Variants in STMN3 observed in about 807,000 individuals in gnomAD.
The protein encoded by STMN3 is stathmin 3.
Under a neutral mutation model 23.2 loss-of-function variants are expected in STMN3, and 24 were observed. The observed-to-expected ratio is 1.03, with a 90% confidence interval of 0.75 to 1.45. STMN3 has a LOEUF of 1.45. Among genes scored for constraint, STMN3 ranks in the 40% most tolerant of loss-of-function variants. The pLI is 0.00. For synonymous variants in STMN3, 117 were observed against 103.4 expected (o/e 1.13, Z -0.80); for missense variants, 235 against 237.6 (o/e 0.99, Z 0.07).
chr20:63,640,981 C>T lies in STMN3; in HGVS notation c.*357G>A, dbSNP rs1173695835. 59 of 391,842 alleles carry T rather than the reference C, an allele frequency of 1.5e-4. No individual in the cohort carries two copies. Among genetic ancestry groups the T allele is most frequent in the South Asian group, 6.3e-5 (3 of 47,940 alleles). The allele number at this position is 391,842 out of a possible 1,614,324, so 24.3% of individuals were successfully genotyped here. On this transcript the variant is annotated 3_prime_UTR_variant, in exon 5 of 5. Transcript: ENST00000370053. ...CGCCGGCTCAGAGGACCTGCCCTGA[C>T]CTGCACGTGCTGACCAGACAGCCCA... is the stretch of plus-strand genomic sequence containing the variant.
chr20:63,652,798 C>A lies in STMN3; in HGVS notation c.19+529G>T, dbSNP rs1228262820. ...AGGGCGCGGTCCCCCTCACTCCGGG[C>A]TCCGCCGTGTCTGGCCCGCCCCCCT... On this transcript the variant is annotated intron_variant, in intron 1 of 4. Transcript: ENST00000370053. This position sits in a 1 kb window ranked among gnomAD's most constrained non-coding sequence, Gnocchi z 5.3. 5.1e-6 allele frequency: 5 copies of A among 985,164 alleles called. No homozygotes were observed. Among genetic ancestry groups the A allele is most frequent in the South Asian group, 9.4e-5 (2 of 21,286 alleles). The allele number at this position is 985,164 out of a possible 1,614,324, so 61.0% of individuals were successfully genotyped here.
At chr20:63,646,608 C>A (rs1344091156) in intron 1 of STMN3, among the ~76,000 whole-genome samples, 1 of 151,846 alleles carries the variant, frequency 6.6e-6, no homozygotes, top group Non-Finnish European at 1.5e-5. Flanking sequence ...CCGCCTCGAC[C>A]TCCCAAAGTG....
chr20:63,649,521 CCTCT>C (rs35280689), intron 1 of STMN3, among the ~76,000 whole-genome samples: 4 of 151,612 alleles, frequency 2.6e-5, no homozygotes, highest in East Asian at 1.9e-4. Context: ...GGCATTGCTC[CCTCT>C]CTCTCTCTCT....
At chr20:63,643,421 A>G (rs538879639) in intron 3 of STMN3, among the ~76,000 whole-genome samples, 6 of 152,244 alleles carry the variant, frequency 3.9e-5, no homozygotes, top group African/African-American at 1.4e-4. Flanking sequence ...AGGTGGGATT[A>G]CAGGTGTGCA....
At chr20:63,647,025 T>C (rs1475582632) in intron 1 of STMN3, among the ~76,000 whole-genome samples, 2 of 151,566 alleles carry the variant, frequency 1.3e-5, no homozygotes, top group African/African-American at 4.9e-5. Context: ...AAGAAAAAAA[T>C]AGCTGGGCGT....
Position 63,646,610 on chromosome 20 carries a change from C to T in STMN3, c.20-2301G>A, listed in dbSNP as rs959277643. Reference sequence around the variant, plus strand: ...CCTCGTGATCCGCCCGCCTCGACCTCCCAAAGTGCTGGGATTACAGGTGTG... The same window carrying T: ...CCTCGTGATCCGCCCGCCTCGACCTTCCAAAGTGCTGGGATTACAGGTGTG... On this transcript the variant is annotated intron_variant, in intron 1 of 4. Transcript: ENST00000370053. Among the ~76,000 whole-genome samples, 4 of 151,934 alleles carry T rather than the reference C, an allele frequency of 2.6e-5. No individual in the cohort carries two copies. In the South Asian group the frequency reaches 8.3e-4, roughly 32 times the overall value.
At chr20:63,646,072 G>A (rs1347659158) in intron 1 of STMN3, among the ~76,000 whole-genome samples, 2 of 152,078 alleles carry the variant, frequency 1.3e-5, no homozygotes, top group East Asian at 3.8e-4. Context: ...ATGGTGAGCT[G>A]GGTCTTCTGG....
In STMN3 at chr20:63,647,948, G is replaced by GTGTGTGTATA. The variant is rs1320052757; in HGVS notation, c.20-3640_20-3639insTATACACACA. On this transcript the variant is annotated intron_variant, in intron 1 of 4. Transcript: ENST00000370053. Reference sequence around the variant, plus strand: ...TATATACGTATATATGTGTGTGTGTGTATATATATATGTATATATATATAT... The same window carrying GTGTGTGTATA: ...TATATACGTATATATGTGTGTGTGTGTGTGTGTATATATATATATATGTATATATATATAT... Among the ~76,000 whole-genome samples the GTGTGTGTATA allele has an allele frequency of 1.4e-3, 88 of 63,824 alleles. 7 individuals are homozygous for GTGTGTGTATA. The highest frequency in any genetic ancestry group is 2.2e-3 in the Non-Finnish European group (64 of 29,620). The allele number at this position is 63,824 out of a possible 152,430, so 41.9% of individuals were successfully genotyped here. A position where few individuals can be genotyped will look rare whatever the true frequency, so the allele number is the denominator to read the frequency against.
Position 63,643,088 on chromosome 20 carries a change from CAT to C in STMN3, c.291+666_291+667del, listed in dbSNP as rs146503942. 4.5e-4 allele frequency among the ~76,000 whole-genome samples: 69 copies of C among 152,272 alleles called. 1 individual carries two copies. Among genetic ancestry groups the C allele is most frequent in the South Asian group, 3.9e-3 (19 of 4,830 alleles). On this transcript the variant is annotated intron_variant, in intron 3 of 4. Coordinates refer to ENST00000370053, the MANE Select transcript of STMN3 (RefSeq NM_015894.4). ...TCCAGCAAGCCTCAGGGTCTTCACA[CAT>C]GAGGCCCTTCCTCCAGCTTCCCTGT...
intron 3 of STMN3, 94 bp downstream of exon 3, chr20:63,643,662 G>C: frequency 7.0e-7 from 1 of 1,437,008 alleles, no homozygotes; most frequent in Non-Finnish European, 9.0e-7. Context: ...CACTGACCAA[G>C]CCTGTCCGGG....
rs1288050001 is a variant in STMN3, at chr20:63,647,991, T to TATATATATACACAC, written c.20-3683_20-3682insGTGTGTATATATAT. Among the ~76,000 whole-genome samples, 189 of 75,874 alleles carry TATATATATACACAC rather than the reference T, an allele frequency of 2.5e-3. 2 individuals are homozygous for TATATATATACACAC. The highest frequency in any genetic ancestry group is 0.011 in the South Asian group (24 of 2,282). 49.8% of individuals were successfully genotyped at this position (75,874 alleles called of 152,430 possible). On this transcript the variant is annotated intron_variant, in intron 1 of 4. Transcript: ENST00000370053. Reference sequence around the variant, plus strand: ...ATATATATATATATACATATATATATACAGAGAGAGAGAGAGTAGTGATAG... The same window carrying TATATATATACACAC: ...ATATATATATATATACATATATATATATATATATACACACACAGAGAGAGAGAGAGTAGTGATAG...
rs938150112 is a variant in STMN3 at position 63,652,559 on chromosome 20, G to C, written c.19+768C>G. 6.1e-6 allele frequency: 6 copies of C among 984,582 alleles called. No individual in the cohort carries two copies. The highest frequency in any genetic ancestry group is 6.2e-5 in the Admixed American group (1 of 16,252). 61.0% of individuals were successfully genotyped at this position (984,582 alleles called of 1,614,324 possible). On this transcript the variant is annotated intron_variant, in intron 1 of 4. Transcript: ENST00000370053. The surrounding 1 kb of genome is among the most constrained non-coding windows in gnomAD (Gnocchi z 5.3). ...TCCGCGCGGGACGGGCCGGGAGGCC[G>C]GGGTGGGCGCTACCTTCGAAGGCGG...
At chr20:63,646,679 T>C (rs2089811999) in intron 1 of STMN3, among the ~76,000 whole-genome samples, 1 of 152,014 alleles carries the variant, frequency 6.6e-6, no homozygotes, top group Non-Finnish European at 1.5e-5. Flanking sequence ...AACAGGACTG[T>C]GCTCTGTTGC....
intron 1 of STMN3, among the ~76,000 whole-genome samples, chr20:63,649,425 G>C (rs141905041): frequency 3.9e-5 from 6 of 152,244 alleles, no homozygotes; most frequent in Non-Finnish European, 7.4e-5. Context: ...TCTTATTACA[G>C]AGAGAGGATG....
intron 1 of STMN3, among the ~76,000 whole-genome samples, chr20:63,647,991 T>TACAC (rs1555897557): frequency 0.044 from 3,300 of 75,820 alleles, 271 homozygotes; most frequent in African/African-American, 0.064. Flanking sequence ...CATATATATA[T>TACAC]ACAGAGAGAG....
Position 63,642,246 on chromosome 20 carries a change from G to A in STMN3, c.345C>T (p.Arg115=). 1 of 1,550,296 alleles carries A rather than the reference G, an allele frequency of 6.5e-7. No individual in the cohort carries two copies. Among genetic ancestry groups the A allele is most frequent in the South Asian group, 1.2e-5 (1 of 85,342 alleles). The change falls in exon 4 of 5, where the codon CGC becomes CGT. Residue 115 remains arginine, a synonymous_variant. Transcript: ENST00000370053. ...CCTCCAGCGCCTTGTGCAGCACCTC[G>A]CGCTCGTGCTCGCGCCGCTCCGCCA... ...KQLAERREHE[R]EVLHKALEEN...
chr20:63,652,821 C>T lies in STMN3; in HGVS notation c.19+506G>A, dbSNP rs1039140570. 1 of 978,114 alleles carries T rather than the reference C, an allele frequency of 1.0e-6. No homozygotes were observed. The highest frequency in any genetic ancestry group is 1.2e-6 in the Non-Finnish European group (1 of 823,308). The allele number at this position is 978,114 out of a possible 1,614,324, so 60.6% of individuals were successfully genotyped here. A position where few individuals can be genotyped will look rare whatever the true frequency, so the allele number is the denominator to read the frequency against. On this transcript the variant is annotated intron_variant, in intron 1 of 4. Transcript: ENST00000370053. The surrounding 1 kb of genome is among the most constrained non-coding windows in gnomAD (Gnocchi z 5.3). ...GGCTCCGCCGTGTCTGGCCCGCCCC[C>T]CTCCTTCAGCGCCCCCTCCAGCCCC...
rs1400641594 is a variant in STMN3 at position 63,639,873 on chromosome 20, C to G, written c.*1465G>C. The G allele has an allele frequency of 1.3e-5, 2 of 152,360 alleles. No homozygotes were observed. Among genetic ancestry groups the G allele is most frequent in the Non-Finnish European group, 2.9e-5 (2 of 68,062 alleles). The allele number at this position is 152,360 out of a possible 1,614,324, so 9.4% of individuals were successfully genotyped here. On this transcript the variant is annotated 3_prime_UTR_variant, in exon 5 of 5. Coordinates refer to ENST00000370053, the MANE Select transcript of STMN3 (RefSeq NM_015894.4). ...TCAGTTCTGCTTCCCTTTCTGAGTC[C>G]CACAAAAGCCAGATGTGGACAGCCT...
In STMN3 at chr20:63,641,224, G is replaced by A. The variant is rs2089758683; in HGVS notation, c.*114C>T. Reference sequence around the variant, plus strand: ...GAGTGCGGAAGAGAAGCATGAAGCTGGGGGCGGGGGTGGGGGAGGAGGAAC... The same window carrying A: ...GAGTGCGGAAGAGAAGCATGAAGCTAGGGGCGGGGGTGGGGGAGGAGGAAC... On this transcript the variant is annotated 3_prime_UTR_variant, in exon 5 of 5. Transcript: ENST00000370053. 2.3e-6 allele frequency: 2 copies of A among 882,376 alleles called. No individual in the cohort carries two copies. Among genetic ancestry groups the A allele is most frequent in the Non-Finnish European group, 3.6e-6 (2 of 549,194 alleles). 54.7% of individuals were successfully genotyped at this position (882,376 alleles called of 1,614,324 possible).
Sources: gnomAD v4.1 joint callset for allele counts (sites outside exome capture counted in the v4.1 genomes callset) on GRCh38, gnomAD v4.1.1 for gene constraint, Gnocchi (gnomAD v3.1) non-coding constraint, MANE v1.5 for transcripts, NCBI Gene and HGNC (gene_info 2026-07-23, HGNC 2026-07-21) for gene names.